PTPRN2: variants seen among roughly 807,000 people sequenced by gnomAD.
The protein encoded by PTPRN2 is receptor-type tyrosine-protein phosphatase N2.
In PTPRN2, 74 loss-of-function variants were observed where a neutral mutation model predicts 118.8. That is an observed-to-expected ratio of 0.62 (90% CI 0.52 to 0.76). The LOEUF is 0.76. Among genes scored for constraint, PTPRN2 ranks in the 30% least tolerant of loss-of-function variants. The pLI is 0.00. For missense variants in PTPRN2, 1,481 were observed against 1,394.4 expected, an observed-to-expected ratio of 1.06 and a Z score of -0.99; for synonymous variants, 641 against 608.0, an observed-to-expected ratio of 1.05 and a Z score of -0.80.
At chr7:157,956,326 C>A (rs1013027868) in intron 11 of PTPRN2, among the ~76,000 whole-genome samples, 1 of 152,106 alleles carries the variant, frequency 6.6e-6, no homozygotes, top group Non-Finnish European at 1.5e-5. Flanking sequence ...CGCTCCGGTC[C>A]ACATCTGGGT....
chr7:158,103,001 G>A (rs1011932819), intron 10 of PTPRN2, among the ~76,000 whole-genome samples: 35 of 152,146 alleles, frequency 2.3e-4, no homozygotes, highest in African/African-American at 8.2e-4. Context: ...TCAGTCCATG[G>A]GGAACCCCTC....
At chr7:158,187,441 G>C (rs1440266931) in intron 5 of PTPRN2, among the ~76,000 whole-genome samples, 3 of 152,196 alleles carry the variant, frequency 2.0e-5, no homozygotes, top group Non-Finnish European at 2.9e-5. Flanking sequence ...TGAGAGGGGA[G>C]GGGAGAAGCC....
chr7:157,651,868 A>C (rs945009591), intron 14 of PTPRN2, among the ~76,000 whole-genome samples: 2 of 152,102 alleles, frequency 1.3e-5, no homozygotes, highest in Admixed American at 1.3e-4. Flanking sequence ...AGAGAAATGT[A>C]CCGGTTTCTT....
chr7:157,820,770 A>T lies in PTPRN2; in HGVS notation c.1788+77903T>A, dbSNP rs143631992. Among the ~76,000 whole-genome samples the T allele has an allele frequency of 2.6e-3, 395 of 152,372 alleles. 3 individuals carry two copies. The highest frequency in any genetic ancestry group is 9.1e-3 in the African/African-American group (379 of 41,592). ...TCTTCTTTTGCATCTGAGGTTTCAA[A>T]ACCCATGAGAATGATCTTGGAGTTA... On this transcript the variant is annotated intron_variant, in intron 12 of 22. Coordinates refer to ENST00000389418, the MANE Select transcript of PTPRN2 (RefSeq NM_002847.5).
intron 12 of PTPRN2, among the ~76,000 whole-genome samples, chr7:157,896,371 C>A (rs184916821): frequency 1.5e-3 from 226 of 152,310 alleles, no homozygotes; most frequent in African/African-American, 5.0e-3. Flanking sequence ...GGCCCTGTGG[C>A]TCCTCCAGCG....
chr7:158,071,402 G>A (rs1166891565), intron 11 of PTPRN2, among the ~76,000 whole-genome samples: 6 of 102,882 alleles, frequency 5.8e-5, no homozygotes, highest in Admixed American at 3.0e-4. Flanking sequence ...AGGTGCTCGT[G>A]GTGGAGTTGC....
chr7:157,989,489 G>T lies in PTPRN2; in HGVS notation c.1724-90752C>A, dbSNP rs180832035. 3.9e-3 allele frequency among the ~76,000 whole-genome samples: 567 copies of T among 143,958 alleles called. 7 individuals are homozygous for T. Among genetic ancestry groups the T allele is most frequent in the Middle Eastern group, 0.039 (11 of 282 alleles). 94.4% of individuals were successfully genotyped at this position (143,958 alleles called of 152,430 possible). A position where few individuals can be genotyped will look rare whatever the true frequency, so the allele number is the denominator to read the frequency against. Reference sequence around the variant, plus strand: ...GGTTTTCATAAGGGGGTAAGACTCAGAGGGCAGAAGAAAGCGGAGTCTTGT... The same window carrying T: ...GGTTTTCATAAGGGGGTAAGACTCATAGGGCAGAAGAAAGCGGAGTCTTGT... On this transcript the variant is annotated intron_variant, in intron 11 of 22. Transcript: ENST00000389418.
In PTPRN2 at chr7:157,827,368, C is replaced by CACAACACAACACAACACAAT. The variant is rs1254055464; in HGVS notation, c.1788+71304_1788+71305insATTGTGTTGTGTTGTGTTGT. 1.8e-4 allele frequency among the ~76,000 whole-genome samples: 22 copies of CACAACACAACACAACACAAT among 124,522 alleles called. No homozygotes were observed. In the South Asian group the frequency reaches 5.5e-3, roughly 31 times the overall value. The allele number at this position is 124,522 out of a possible 152,430, so 81.7% of individuals were successfully genotyped here. A position where few individuals can be genotyped will look rare whatever the true frequency, so the allele number is the denominator to read the frequency against. ...GGATGAAGGAAGCCAGAGACCACAA[C>CACAACACAACACAACACAAT]ACAACACAACACAACACAACACAAC... On this transcript the variant is annotated intron_variant, in intron 12 of 22. Coordinates refer to ENST00000389418, the MANE Select transcript of PTPRN2 (RefSeq NM_002847.5).
chr7:158,400,477 A>G (rs1812848853), intron 2 of PTPRN2, among the ~76,000 whole-genome samples: 1 of 152,146 alleles, frequency 6.6e-6, no homozygotes, highest in Non-Finnish European at 1.5e-5. Flanking sequence ...GTCCAACGGG[A>G]TTGCTTTATG....
chr7:157,805,300 T>C (rs946493454), intron 12 of PTPRN2, among the ~76,000 whole-genome samples: 84 of 151,444 alleles, frequency 5.5e-4, no homozygotes, highest in Non-Finnish European at 7.4e-5. Context: ...TGTGTGTGTG[T>C]GTGTGTGTGT....
At chr7:158,131,299 T>C (rs1255252099) in intron 9 of PTPRN2, among the ~76,000 whole-genome samples, 7 of 148,862 alleles carry the variant, frequency 4.7e-5, no homozygotes, top group Non-Finnish European at 8.9e-5. Context: ...ATGCACATCA[T>C]AAAAATACAC....
chr7:157,962,322 T>C (rs1340647753), intron 11 of PTPRN2, among the ~76,000 whole-genome samples: 3 of 148,220 alleles, frequency 2.0e-5, no homozygotes, highest in African/African-American at 7.5e-5. Context: ...TCAGCAGGAG[T>C]GTTATTCCAC....
intron 12 of PTPRN2, among the ~76,000 whole-genome samples, chr7:157,735,859 C>G (rs978571398): frequency 2.6e-5 from 4 of 152,200 alleles, no homozygotes; most frequent in Non-Finnish European, 5.9e-5. Flanking sequence ...GCTGGGTGGG[C>G]TCTGAATTCC....
At chr7:158,124,811 G>A (rs1231094126) in intron 9 of PTPRN2, among the ~76,000 whole-genome samples, 1 of 152,204 alleles carries the variant, frequency 6.6e-6, no homozygotes, top group Non-Finnish European at 1.5e-5. Flanking sequence ...CTGTATCTCA[G>A]GACCAGTGGA....
In PTPRN2 at chr7:157,993,932, C is replaced by G. The variant is rs529921568; in HGVS notation, c.1723+87366G>C. Among the ~76,000 whole-genome samples, 4 of 152,246 alleles carry G rather than the reference C, an allele frequency of 2.6e-5. No homozygotes were observed. The East Asian group carries it at 7.8e-4, about 30-fold the overall frequency. On this transcript the variant is annotated intron_variant, in intron 11 of 22. Transcript: ENST00000389418. ...CATGCACTGAGCTCACTGGGTCTCC[C>G]TGCGCCCGTGTCTGGAGTCATACAC...
intron 11 of PTPRN2, among the ~76,000 whole-genome samples, chr7:158,031,539 A>T (rs985627843): frequency 3.3e-5 from 5 of 152,214 alleles, no homozygotes; most frequent in Admixed American, 1.3e-4. Context: ...GCTGCTTTTT[A>T]CTTGTTAAAT....
intron 7 of PTPRN2, among the ~76,000 whole-genome samples, chr7:158,138,038 C>G (rs1214760923): frequency 6.6e-6 from 1 of 152,244 alleles, no homozygotes; most frequent in Non-Finnish European, 1.5e-5. Flanking sequence ...TTTCCTGACT[C>G]AGCCTCAGCA....
rs577639987 is a variant in PTPRN2, at chr7:157,674,778, G to A, written c.2001+7947C>T. Among the ~76,000 whole-genome samples the A allele has an allele frequency of 5.3e-5, 8 of 152,348 alleles. No homozygotes were observed. Among genetic ancestry groups the A allele is most frequent in the African/African-American group, 1.2e-4 (5 of 41,584 alleles). ...TGGAGTCCCACCCTGTCGTGTGCAC[G>A]AGGCTGTCACCTGGAGATTCCGGCC... is the stretch of plus-strand genomic sequence containing the variant. On this transcript the variant is annotated intron_variant, in intron 13 of 22. Coordinates refer to ENST00000389418, the MANE Select transcript of PTPRN2 (RefSeq NM_002847.5). This position sits in a 1 kb window ranked among gnomAD's most constrained non-coding sequence, Gnocchi z 4.5.
chr7:158,001,957 C>T (rs973568075), intron 11 of PTPRN2, among the ~76,000 whole-genome samples: 35 of 152,370 alleles, frequency 2.3e-4, no homozygotes, highest in African/African-American at 8.2e-4. Context: ...GCTGGCCAAG[C>T]TGTCTCCAGG....
Sources: gnomAD v4.1 joint callset for allele counts (sites outside exome capture counted in the v4.1 genomes callset) on GRCh38, gnomAD v4.1.1 for gene constraint, Gnocchi (gnomAD v3.1) non-coding constraint, MANE v1.5 for transcripts, NCBI Gene and HGNC (gene_info 2026-07-23, HGNC 2026-07-21) for gene names.